METTL25: variants seen among roughly 807,000 people sequenced by gnomAD.
METTL25 encodes methyltransferase like 25, also known as probable methyltransferase-like protein 25.
In METTL25, 64 loss-of-function variants were observed where a neutral mutation model predicts 71.6. The ratio of observed to expected loss-of-function variants is 0.89; its 90% CI spans 0.73 to 1.10. METTL25 has a LOEUF of 1.10. Among genes scored for constraint, METTL25 ranks in the 50% least tolerant of loss-of-function variants. METTL25 has a pLI of 0.00. For synonymous variants in METTL25, 287 were observed against 250.3 expected (o/e 1.15, Z -1.38); for missense variants, 807 against 707.0 (o/e 1.14, Z -1.60).
chr12:82,421,985 C>T (rs1001692140), intron 5 of METTL25, among the ~76,000 whole-genome samples: 2 of 152,148 alleles, frequency 1.3e-5, no homozygotes, highest in Admixed American at 6.6e-5. Flanking sequence ...GGTGCTGGTA[C>T]CATTCCTTCT....
At chr12:82,411,557 A>G (rs1443914606) in intron 5 of METTL25, among the ~76,000 whole-genome samples, 1 of 151,918 alleles carries the variant, frequency 6.6e-6, no homozygotes, top group Non-Finnish European at 1.5e-5. Context: ...AATGGTAAGA[A>G]AAAAAAAGCA....
intron 9 of METTL25, among the ~76,000 whole-genome samples, chr12:82,462,998 A>G (rs997369178): frequency 6.6e-6 from 1 of 152,116 alleles, no homozygotes; most frequent in Middle Eastern, 3.2e-3. Context: ...ATGTTGCAAT[A>G]TATATTATGT....
Position 82,362,985 on chromosome 12 carries a change from G to A in METTL25, c.259+4161G>A, listed in dbSNP as rs78594692. 3.9e-5 allele frequency among the ~76,000 whole-genome samples: 6 copies of A among 152,306 alleles called. No individual in the cohort carries two copies. The East Asian group carries it at 1.2e-3, about 29-fold the overall frequency. Reference sequence around the variant, plus strand: ...GGAAGTCAGAGTTTATGGCTTTCTTGCTAGAGATGCTCCTAGCCCCTGTAG... The same window carrying A: ...GGAAGTCAGAGTTTATGGCTTTCTTACTAGAGATGCTCCTAGCCCCTGTAG... On this transcript the variant is annotated intron_variant, in intron 1 of 11. Transcript: ENST00000248306.
At chr12:82,404,354 A>C (rs1207630665) in intron 5 of METTL25, among the ~76,000 whole-genome samples, 1 of 152,124 alleles carries the variant, frequency 6.6e-6, no homozygotes, top group Non-Finnish European at 1.5e-5. Flanking sequence ...TAGGGTAAAA[A>C]ATGAACTTAG....
chr12:82,387,311 G>T (rs1160437195), intron 2 of METTL25, among the ~76,000 whole-genome samples: 1 of 152,000 alleles, frequency 6.6e-6, no homozygotes, highest in Non-Finnish European at 1.5e-5. Flanking sequence ...TATGGGAAGA[G>T]GGTGGGAAGA....
At chr12:82,472,579 T>G (rs1424805124) in intron 9 of METTL25, among the ~76,000 whole-genome samples, 1 of 152,058 alleles carries the variant, frequency 6.6e-6, no homozygotes, top group Non-Finnish European at 1.5e-5. Flanking sequence ...GCCTGGGCAA[T>G]AGAGTGAGAC....
rs746237864 is a variant in METTL25, at chr12:82,476,714, A to C, written c.1643A>C (p.Asn548Thr). 6.3e-6 allele frequency: 10 copies of C among 1,583,330 alleles called. No individual in the cohort carries two copies. The highest frequency in any genetic ancestry group is 8.6e-6 in the Non-Finnish European group (10 of 1,162,166). Reference protein sequence around the residue: ...KPRMNELEAFNMLKVVLAPCI... With the variant: ...KPRMNELEAFTMLKVVLAPCI... ...CGAATGAATGAGCTGGAAGCTTTTA[A>C]TATGGTAAATCTCAGAGTTAAGCAT... is the stretch of plus-strand genomic sequence containing the variant. Residue 548 changes from asparagine to threonine, a missense_variant, in exon 10 of 12, where the codon AAT (asparagine) becomes ACT (threonine). Asn to Thr is a moderately conservative substitution (Grantham distance 65). Transcript: ENST00000248306.
chr12:82,408,612 G>GTGTGTGTT (rs1887294059), intron 5 of METTL25, among the ~76,000 whole-genome samples: 1 of 151,736 alleles, frequency 6.6e-6, no homozygotes. Flanking sequence ...GTGTGTGTGT[G>GTGTGTGTT]TGTGTGTGTG....
intron 5 of METTL25, among the ~76,000 whole-genome samples, chr12:82,404,776 C>T (rs1042252860): frequency 6.6e-6 from 1 of 152,070 alleles, no homozygotes; most frequent in Admixed American, 6.6e-5. Context: ...AACTCCGTTT[C>T]TACTAAAGAT....
intron 5 of METTL25, among the ~76,000 whole-genome samples, chr12:82,424,279 C>T (rs187119635): frequency 6.6e-6 from 1 of 151,850 alleles, no homozygotes. Flanking sequence ...AGCAAACTAT[C>T]GCAAGGACAA....
chr12:82,384,096 T>C (rs1419446524), intron 1 of METTL25, among the ~76,000 whole-genome samples: 1 of 152,086 alleles, frequency 6.6e-6, no homozygotes, highest in Non-Finnish European at 1.5e-5. Flanking sequence ...GGACTTCCAG[T>C]AGAGGGAGAT....
chr12:82,438,512 CTTTT>C, intron 7 of METTL25: 4 of 211,816 alleles, frequency 1.9e-5, no homozygotes, highest in Non-Finnish European at 2.7e-5. Context: ...TTTATGGTTT[CTTTT>C]TTTTTTTTTT....
chr12:82,361,313 A>G (rs1474464361), intron 1 of METTL25, among the ~76,000 whole-genome samples: 1 of 152,180 alleles, frequency 6.6e-6, no homozygotes, highest in South Asian at 2.1e-4. Context: ...CATAAAGTTT[A>G]TCCAAGTCCC....
chr12:82,474,746 C>CT (rs766917483), intron 9 of METTL25, among the ~76,000 whole-genome samples: 102 of 151,568 alleles, frequency 6.7e-4, no homozygotes, highest in Non-Finnish European at 1.1e-3. Flanking sequence ...AAACAACAAA[C>CT]TTTTTTTTTA....
At chr12:82,439,919 C>A in intron 8 of METTL25, 2 of 676,372 alleles carry the variant, frequency 3.0e-6, no homozygotes, top group Non-Finnish European at 3.6e-6. Context: ...CTAAACCTTT[C>A]TTCTCACTTA....
At chr12:82,435,868 A>T (rs1237127545) in intron 7 of METTL25, among the ~76,000 whole-genome samples, 1 of 151,408 alleles carries the variant, frequency 6.6e-6, no homozygotes, top group Non-Finnish European at 1.5e-5. Flanking sequence ...TACAGAGCTT[A>T]CCAAAGTACT....
At chr12:82,372,754 T>C (rs1360142394) in intron 1 of METTL25, among the ~76,000 whole-genome samples, 3 of 152,170 alleles carry the variant, frequency 2.0e-5, no homozygotes, top group Admixed American at 6.5e-5. Context: ...GTTTCCCATC[T>C]GAAAGACAAA....
chr12:82,409,404 A>T (rs4882453), intron 5 of METTL25, among the ~76,000 whole-genome samples: 128,999 of 152,072 alleles, frequency 0.85, 55,085 homozygotes, highest in East Asian at 1. Flanking sequence ...AAGTGTTTAC[A>T]TTATTTCTTC....
At chr12:82,365,494 A>C (rs1376085446) in intron 1 of METTL25, among the ~76,000 whole-genome samples, 1 of 152,230 alleles carries the variant, frequency 6.6e-6, no homozygotes, top group Non-Finnish European at 1.5e-5. Flanking sequence ...GATAGGATAA[A>C]TATGACCTAT....
Sources: allele counts gnomAD v4.1 joint callset (sites outside exome capture counted in the v4.1 genomes callset), GRCh38; gene constraint gnomAD v4.1.1; transcripts MANE v1.5; gene names NCBI Gene and HGNC (gene_info 2026-07-23, HGNC 2026-07-21).